Variants in VSNL1 observed in about 807,000 individuals in gnomAD.
The protein encoded by VSNL1 is visinin like 1.
In VSNL1, 6 loss-of-function variants were observed where a neutral mutation model predicts 20.4. The observed-to-expected ratio is 0.29, with a 90% CI of 0.16 to 0.58. The LOEUF (loss-of-function observed/expected upper bound fraction) is 0.58. Among genes scored for constraint, VSNL1 ranks in the 20% least tolerant of loss-of-function variants. The pLI, the probability that VSNL1 is intolerant of heterozygous loss-of-function variation, is 0.90. For synonymous variants in VSNL1, 93 were observed against 86.4 expected (o/e 1.08, Z -0.42); for missense variants, 100 against 234.5 (o/e 0.43, Z 3.75).
intron 2 of VSNL1, among the ~76,000 whole-genome samples, chr2:17,636,346 G>A (rs1665746505): frequency 6.6e-6 from 1 of 152,154 alleles, no homozygotes; most frequent in African/African-American, 2.4e-5. Context: ...TGTGCTCAGA[G>A]GCTTATGGTT....
intron 1 of VSNL1, among the ~76,000 whole-genome samples, chr2:17,568,431 C>T (rs1182989733): frequency 6.6e-6 from 1 of 152,122 alleles, no homozygotes; most frequent in Non-Finnish European, 1.5e-5. Context: ...CTATGCCAGA[C>T]AAGTATATAC....
At chr2:17,560,368 G>A (rs529157419) in intron 1 of VSNL1, among the ~76,000 whole-genome samples, 84 of 152,110 alleles carry the variant, frequency 5.5e-4, no homozygotes, top group African/African-American at 2.0e-3. Context: ...CCAGGTGCCA[G>A]AACACACAAG....
chr2:17,592,365 G>A, intron 2 of VSNL1, 129 bp downstream of exon 2: 1 of 1,012,806 alleles, frequency 9.9e-7, no homozygotes, highest in Non-Finnish European at 1.4e-6. Flanking sequence ...TTTCCATCCA[G>A]AAAGAAAAAT....
intron 2 of VSNL1, among the ~76,000 whole-genome samples, chr2:17,647,838 C>CT (rs1313614166): frequency 6.6e-6 from 1 of 152,140 alleles, no homozygotes. Context: ...GTATTGCTCT[C>CT]TGAGTCCATA....
chr2:17,577,240 C>T (rs1664236318), intron 1 of VSNL1, among the ~76,000 whole-genome samples: 1 of 152,196 alleles, frequency 6.6e-6, no homozygotes, highest in Non-Finnish European at 1.5e-5. Context: ...TATACACATA[C>T]ATAGCTATTA....
intron 1 of VSNL1, among the ~76,000 whole-genome samples, chr2:17,575,543 TA>T (rs1354972885): frequency 6.6e-6 from 1 of 152,068 alleles, no homozygotes; most frequent in Non-Finnish European, 1.5e-5. Flanking sequence ...TTATTTTTTT[TA>T]TTTTTTTTTG....
intron 1 of VSNL1, among the ~76,000 whole-genome samples, chr2:17,571,532 C>T (rs1664084143): frequency 6.6e-6 from 1 of 152,100 alleles, no homozygotes; most frequent in Non-Finnish European, 1.5e-5. Flanking sequence ...CAAAAGTCAT[C>T]ACTATCAAGA....
At chr2:17,618,164 A>G (rs1343385159) in intron 2 of VSNL1, among the ~76,000 whole-genome samples, 1 of 152,168 alleles carries the variant, frequency 6.6e-6, no homozygotes. Context: ...TCAGTTTCCT[A>G]CTGCTGCTGT....
At chr2:17,608,627 G>A (rs1461545417) in intron 2 of VSNL1, among the ~76,000 whole-genome samples, 1 of 152,168 alleles carries the variant, frequency 6.6e-6, no homozygotes, top group Non-Finnish European at 1.5e-5. Context: ...ATTTGGAAGT[G>A]GGTAGCATTA....
chr2:17,547,789 G>T lies in VSNL1; in HGVS notation c.-6+6871G>T, dbSNP rs1029967389. Among the ~76,000 whole-genome samples, 12 of 152,038 alleles carry T rather than the reference G, an allele frequency of 7.9e-5. 2 individuals carry two copies. Among genetic ancestry groups the T allele is most frequent in the Admixed American group, 5.9e-4 (9 of 15,258 alleles). On this transcript the variant is annotated intron_variant, in intron 1 of 3. Coordinates refer to ENST00000295156, the MANE Select transcript of VSNL1 (RefSeq NM_003385.5). Reference sequence around the variant, plus strand: ...ATATAATTGAGTCCAGAATATGGAAGTGAAAGGAAATTTTTGAGTTTATTT... The same window carrying T: ...ATATAATTGAGTCCAGAATATGGAATTGAAAGGAAATTTTTGAGTTTATTT...
At position 17,592,640 on chromosome 2, in the gene VSNL1, CTTTTTTTTTTTTTTTTTTTTTT is replaced by C. The variant is rs55756596; in HGVS notation, c.162+422_162+443del. 1.7e-3 allele frequency among the ~76,000 whole-genome samples: 123 copies of C among 70,888 alleles called. 2 individuals are homozygous for C. The highest frequency in any genetic ancestry group is 4.9e-3 in the African/African-American group (100 of 20,372). 46.5% of individuals were successfully genotyped at this position (70,888 alleles called of 152,430 possible). A position where few individuals can be genotyped will look rare whatever the true frequency, so the allele number is the denominator to read the frequency against. On this transcript the variant is annotated intron_variant, in intron 2 of 3. Transcript: ENST00000295156. ...AAGAGGGCTTTTTCTCTCTCTCTCT[CTTTTTTTTTTTTTTTTTTTTTT>C]TTTTTTTTTTTTTTTTTACCAGAAA... is the stretch of plus-strand genomic sequence containing the variant.
intron 2 of VSNL1, among the ~76,000 whole-genome samples, chr2:17,646,768 C>T (rs1191972026): frequency 1.3e-5 from 2 of 151,782 alleles, no homozygotes; most frequent in African/African-American, 4.8e-5. Flanking sequence ...CAAGAGTACG[C>T]AAAAAAAGAA....
At chr2:17,587,368 C>CACACACAG (rs1338167446) in intron 1 of VSNL1, among the ~76,000 whole-genome samples, 1 of 151,190 alleles carries the variant, frequency 6.6e-6, no homozygotes, top group African/African-American at 2.4e-5. Flanking sequence ...CACACACACA[C>CACACACAG]ACACACACAC....
chr2:17,637,675 G>A (rs931123070), intron 2 of VSNL1, among the ~76,000 whole-genome samples: 1 of 152,172 alleles, frequency 6.6e-6, no homozygotes, highest in African/African-American at 2.4e-5. Flanking sequence ...GAGAGTGTGC[G>A]CTATGCAAAC....
intron 2 of VSNL1, among the ~76,000 whole-genome samples, chr2:17,599,768 AG>A (rs1474823670): frequency 6.6e-6 from 1 of 152,252 alleles, no homozygotes; most frequent in Non-Finnish European, 1.5e-5. Context: ...GGAAGTCAGG[AG>A]ACTTGGCTGA....
At chr2:17,603,062 A>G (rs1271080987) in intron 2 of VSNL1, among the ~76,000 whole-genome samples, 3 of 152,228 alleles carry the variant, frequency 2.0e-5, no homozygotes, top group African/African-American at 7.2e-5. Flanking sequence ...GTTTCTGTAT[A>G]AATAACTTCA....
At chr2:17,561,017 A>G (rs989186923) in intron 1 of VSNL1, among the ~76,000 whole-genome samples, 3 of 152,206 alleles carry the variant, frequency 2.0e-5, no homozygotes, top group Non-Finnish European at 4.4e-5. Context: ...AACTTTTTTC[A>G]GTAAGAGTAT....
intron 1 of VSNL1, among the ~76,000 whole-genome samples, chr2:17,548,216 C>G (rs1470595707): frequency 3.3e-5 from 5 of 151,828 alleles, no homozygotes; most frequent in Non-Finnish European, 2.9e-5. Context: ...TTTCCCCCAC[C>G]CCCACACACA....
intron 2 of VSNL1, among the ~76,000 whole-genome samples, chr2:17,604,888 A>G (rs748398648): frequency 3.9e-5 from 6 of 152,170 alleles, no homozygotes; most frequent in Non-Finnish European, 7.3e-5. Flanking sequence ...GAAGCTATAC[A>G]TACTATCATT....
Sources: allele counts gnomAD v4.1 joint callset (sites outside exome capture counted in the v4.1 genomes callset), GRCh38; gene constraint gnomAD v4.1.1; transcripts MANE v1.5; gene names NCBI Gene and HGNC (gene_info 2026-07-23, HGNC 2026-07-21).